Variants in TMPRSS9 observed in about 807,000 individuals in gnomAD.
TMPRSS9 encodes the protein transmembrane serine protease 9.
A neutral mutation model predicts 111.4 loss-of-function variants in TMPRSS9; 113 were observed. The observed-to-expected ratio is 1.01, with a 90% confidence interval of 0.87 to 1.19. The LOEUF (loss-of-function observed/expected upper bound fraction) is 1.19, where lower values mean the gene tolerates loss of function less well. TMPRSS9 is among the 50% of genes most tolerant of loss of function. The pLI is 0.00. For synonymous variants in TMPRSS9, 805 were observed against 659.1 expected (o/e 1.22, Z -3.39); for missense variants, 1,803 against 1,513.1 (o/e 1.19, Z -3.18).
At chr19:2,410,846 C>T (rs1568184641) in intron 9 of TMPRSS9, among the ~76,000 whole-genome samples, 1 of 152,180 alleles carries the variant, frequency 6.6e-6, no homozygotes, top group Non-Finnish European at 1.5e-5. Flanking sequence ...CCTGATACAA[C>T]GTGGCACCCA....
chr19:2,396,273 C>T (rs1005071830), intron 1 of TMPRSS9: 1 of 373,100 alleles, frequency 2.7e-6, no homozygotes, highest in African/African-American at 2.1e-5. Flanking sequence ...TCACTTGGCA[C>T]TCATCCACCT....
intron 1 of TMPRSS9, among the ~76,000 whole-genome samples, chr19:2,377,016 A>G (rs73919641): frequency 0.1 from 15,692 of 151,652 alleles, 1,584 homozygotes; most frequent in African/African-American, 0.27. Flanking sequence ...TGGAGTGGCC[A>G]CGGGTGGGCG....
intron 6 of TMPRSS9, among the ~76,000 whole-genome samples, chr19:2,403,474 G>A (rs1246245840): frequency 6.6e-6 from 1 of 152,160 alleles, no homozygotes; most frequent in Non-Finnish European, 1.5e-5. Context: ...AGCCTGGGAA[G>A]TGTTGAATAC....
chr19:2,390,807 C>T (rs1013416566), intron 1 of TMPRSS9, among the ~76,000 whole-genome samples: 5 of 151,264 alleles, frequency 3.3e-5, no homozygotes, highest in Admixed American at 2.0e-4. Context: ...GAGCTGAGAT[C>T]GCACCACTGC....
At chr19:2,425,617 G>C (rs1324722220) in intron 17 of TMPRSS9, 124 bp downstream of exon 18, 2 of 1,375,266 alleles carry the variant, frequency 1.5e-6, no homozygotes, top group Admixed American at 3.3e-5. Flanking sequence ...AGCGGATCAA[G>C]CAGGGAGCCT....
At chr19:2,375,125 G>A (rs1394482127) in intron 1 of TMPRSS9, among the ~76,000 whole-genome samples, 1 of 152,128 alleles carries the variant, frequency 6.6e-6, no homozygotes, top group East Asian at 1.9e-4. Context: ...CCTTCTGTTG[G>A]CCACCAAGAT....
In TMPRSS9 at chr19:2,377,454, C is replaced by CCTCCCCT. The variant is rs760201703; in HGVS notation, c.-25-12288_-25-12282dup. 6.4e-3 allele frequency among the ~76,000 whole-genome samples: 691 copies of CCTCCCCT among 108,746 alleles called. 19 individuals are homozygous for CCTCCCCT. Among genetic ancestry groups the CCTCCCCT allele is most frequent in the Non-Finnish European group, 8.4e-3 (456 of 54,446 alleles). 71.3% of individuals were successfully genotyped at this position (108,746 alleles called of 152,430 possible). A position where few individuals can be genotyped will look rare whatever the true frequency, so the allele number is the denominator to read the frequency against. On this transcript the variant is annotated intron_variant, in intron 1 of 17. Transcript: ENST00000649857. ...CTGGTCTTCCTTTCTTTCCTTCTCC[C>CCTCCCCT]CTCCCCTCTCCCCTCTCCCCTCTCC...
At chr19:2,407,016 T>C (rs572457404) in intron 7 of TMPRSS9, among the ~76,000 whole-genome samples, 2 of 150,452 alleles carry the variant, frequency 1.3e-5, no homozygotes, top group African/African-American at 4.9e-5. Context: ...GCCAGGCTGG[T>C]CTTGAACTCC....
At chr19:2,417,862 G>A in intron 12 of TMPRSS9, 140 bp from the exon 14 acceptor site, 1 of 1,217,416 alleles carries the variant, frequency 8.2e-7, no homozygotes, top group South Asian at 1.4e-5. Flanking sequence ...GTGGCTTTGT[G>A]AGATTCCTGC....
intron 1 of TMPRSS9, among the ~76,000 whole-genome samples, chr19:2,375,406 C>A (rs1231203951): frequency 7.5e-6 from 1 of 132,892 alleles, no homozygotes; most frequent in Admixed American, 7.0e-5. Flanking sequence ...CTAGTGTGGA[C>A]CAATCACTGA....
intron 1 of TMPRSS9, 32 bp from the exon 3 acceptor site, chr19:2,396,507 G>A: frequency 1.3e-6 from 2 of 1,564,214 alleles, no homozygotes; most frequent in Non-Finnish European, 1.7e-6. Context: ...CCCAAAGGTG[G>A]GCTCTCTCAC....
In TMPRSS9 at chr19:2,402,020, T is replaced by A. The variant is rs561646403; in HGVS notation, c.556+4T>A. On this transcript the variant is annotated splice_donor_region_variant and intron_variant, in intron 5 of 17. Transcript: ENST00000648592. ...GCAGAAAGAGACTTCAAATCAGGTA[T>A]GTTTTTCTCTCTGGCCTTTTCTCTG... The A allele has an allele frequency of 3.7e-6, 6 of 1,611,172 alleles. No homozygotes were observed. The African/African-American group carries it at 8.0e-5, about 22-fold the overall frequency.
At chr19:2,399,164 A>G (rs757895925) in exon 4 of TMPRSS9, 10 of 1,610,262 alleles carry the variant, frequency 6.2e-6, no homozygotes, top group East Asian at 4.5e-5. Flanking sequence ...CTGGCTGCCT[A>G]TGGCACAATT....
intron 1 of TMPRSS9, among the ~76,000 whole-genome samples, chr19:2,362,126 C>T (rs960193180): frequency 1.3e-5 from 2 of 151,452 alleles, no homozygotes; most frequent in East Asian, 3.9e-4. Flanking sequence ...CATGAGTGAT[C>T]GTTTATGTTG....
intron 1 of TMPRSS9, among the ~76,000 whole-genome samples, chr19:2,393,546 G>A (rs1048774610): frequency 1.3e-5 from 2 of 152,130 alleles, no homozygotes; most frequent in African/African-American, 2.4e-5. Flanking sequence ...GTGAGACCAA[G>A]AACCCACGAA....
At chr19:2,364,366 G>A (rs1017321832) in intron 1 of TMPRSS9, among the ~76,000 whole-genome samples, 5 of 152,058 alleles carry the variant, frequency 3.3e-5, no homozygotes, top group African/African-American at 1.2e-4. Flanking sequence ...TGGATGCAGA[G>A]GATAACATAT....
At chr19:2,395,447 C>T (rs936646104) in intron 1 of TMPRSS9, among the ~76,000 whole-genome samples, 4 of 151,682 alleles carry the variant, frequency 2.6e-5, no homozygotes, top group Admixed American at 6.6e-5. Context: ...CAAACAAGGC[C>T]GGGCGCGGTG....
intron 1 of TMPRSS9, among the ~76,000 whole-genome samples, chr19:2,363,805 C>CGCGCGCGTGTGTGTGTGT (rs1970224998): frequency 6.6e-5 from 7 of 105,812 alleles, no homozygotes; most frequent in African/African-American, 2.4e-4. Context: ...TGTGTGTGTG[C>CGCGCGCGTGTGTGTGTGT]GTGCGCGCGT....
intron 12 of TMPRSS9, among the ~76,000 whole-genome samples, chr19:2,417,074 T>C (rs747860852): frequency 2.6e-5 from 4 of 152,204 alleles, no homozygotes; most frequent in African/African-American, 4.8e-5. Flanking sequence ...ACAGATTGTC[T>C]ATGGCTGCTT....
Sources: gnomAD v4.1 joint callset for allele counts (sites outside exome capture counted in the v4.1 genomes callset) on GRCh38, gnomAD v4.1.1 for gene constraint, MANE v1.5 for transcripts, NCBI Gene and HGNC (gene_info 2026-07-23, HGNC 2026-07-21) for gene names.